Variants in BMPR1A observed in about 807,000 individuals in gnomAD.
The protein encoded by BMPR1A is bone morphogenetic protein receptor type 1A, also known as bone morphogenetic protein receptor type-1A.
A neutral mutation model predicts 66.0 loss-of-function variants in BMPR1A; 7 were observed. That is an observed-to-expected ratio of 0.11 (90% CI 0.06 to 0.20). The LOEUF (loss-of-function observed/expected upper bound fraction) is 0.20. Ranked by LOEUF, BMPR1A falls within the 10% of genes least tolerant of loss-of-function variation. The pLI, the probability that BMPR1A is intolerant of heterozygous loss-of-function variation, is 1.00. For missense variants in BMPR1A, 408 were observed against 669.1 expected (o/e 0.61, Z 4.31); for synonymous variants, 200 against 229.7 (o/e 0.87, Z 1.17).
At chr10:86,760,893 G>A (rs1841045150) in intron 1 of BMPR1A, among the ~76,000 whole-genome samples, 1 of 152,184 alleles carries the variant, frequency 6.6e-6, no homozygotes, top group African/African-American at 2.4e-5. Flanking sequence ...GACTTGCATT[G>A]AGTTATGTCC....
chr10:86,778,816 A>G (rs1049242457), intron 1 of BMPR1A, among the ~76,000 whole-genome samples: 1 of 151,848 alleles, frequency 6.6e-6, no homozygotes, highest in Admixed American at 6.6e-5. Context: ...TTTCCACATG[A>G]GTGAGAACAT....
intron 1 of BMPR1A, among the ~76,000 whole-genome samples, chr10:86,809,595 C>CTT (rs71019431): frequency 0.025 from 3,123 of 123,818 alleles, 141 homozygotes; most frequent in African/African-American, 0.091. Flanking sequence ...CACCCGACCT[C>CTT]TTTTTTTTTT....
At chr10:86,854,873 G>A in intron 2 of BMPR1A, 1 of 235,340 alleles carries the variant, frequency 4.2e-6, no homozygotes, top group Admixed American at 4.1e-5. Flanking sequence ...ACTCCCTCCA[G>A]GCAGGGGAAT....
intron 1 of BMPR1A, among the ~76,000 whole-genome samples, chr10:86,827,212 T>G (rs1842208196): frequency 6.6e-6 from 1 of 152,152 alleles, no homozygotes. Context: ...GTGTTGTCCC[T>G]TTAACATACT....
chr10:86,842,795 A>AT (rs1842442430), intron 2 of BMPR1A, among the ~76,000 whole-genome samples: 3 of 152,174 alleles, frequency 2.0e-5, no homozygotes, highest in Admixed American at 6.6e-5. Flanking sequence ...GGCAGCAGGC[A>AT]GAGAGAATGA....
chr10:86,872,018 G>A (rs963320134), intron 2 of BMPR1A, among the ~76,000 whole-genome samples: 1 of 152,176 alleles, frequency 6.6e-6, no homozygotes, highest in South Asian at 2.1e-4. Flanking sequence ...AATACAGTAA[G>A]ATGGTTGTCC....
intron 1 of BMPR1A, among the ~76,000 whole-genome samples, chr10:86,819,702 G>A (rs978619464): frequency 2.0e-5 from 3 of 152,152 alleles, no homozygotes; most frequent in African/African-American, 7.2e-5. Flanking sequence ...AAAAGTAATG[G>A]CACTTATCAC....
intron 2 of BMPR1A, among the ~76,000 whole-genome samples, chr10:86,854,268 A>C (rs1480577828): frequency 6.6e-6 from 1 of 152,176 alleles, no homozygotes; most frequent in Non-Finnish European, 1.5e-5. Context: ...TCTTTTTTCA[A>C]GGTGCCCAGA....
intron 7 of BMPR1A, among the ~76,000 whole-genome samples, chr10:86,900,677 A>G (rs1843296584): frequency 6.6e-6 from 1 of 152,266 alleles, no homozygotes; most frequent in African/African-American, 2.4e-5. Flanking sequence ...ACTTCAGATT[A>G]CTGAGGAAAA....
chr10:86,866,273 ACTTT>A, intron 2 of BMPR1A, among the ~76,000 whole-genome samples: 1 of 146,272 alleles, frequency 6.8e-6, no homozygotes, highest in East Asian at 2.0e-4. Flanking sequence ...GGGACACAGT[ACTTT>A]CTGTTTTTTA....
chr10:86,888,445 G>A (rs1454893059), intron 3 of BMPR1A, among the ~76,000 whole-genome samples: 3 of 152,130 alleles, frequency 2.0e-5, no homozygotes, highest in South Asian at 4.1e-4. Context: ...TCCAGCTTGG[G>A]TGACAGAGTG....
At chr10:86,843,197 G>A (rs1842446990) in intron 2 of BMPR1A, among the ~76,000 whole-genome samples, 1 of 152,090 alleles carries the variant, frequency 6.6e-6, no homozygotes, top group Non-Finnish European at 1.5e-5. Flanking sequence ...TCTTCAGCTG[G>A]TGATTTGAAA....
At chr10:86,855,843 T>A in intron 2 of BMPR1A, 1 of 886,196 alleles carries the variant, frequency 1.1e-6, no homozygotes, top group Non-Finnish European at 1.8e-6. Context: ...TCATTATCAC[T>A]GCTGCTGTCA....
Position 86,892,174 on chromosome 10 carries a change from A to G in BMPR1A, c.278A>G (p.Glu93Gly). Residue 93 changes from glutamate to glycine, a missense_variant, in exon 5 of 13, where the codon GAA becomes GGA. Glu to Gly is a moderately conservative substitution (Grantham distance 98, BLOSUM62 -2). Around this residue, in one of 5 missense-constraint regions of BMPR1A, gnomAD observed 13 missense variants for 46.5 expected, o/e 0.28. Transcript: ENST00000372037. ...FAIIEEDDQG[E>G]TTLASGCMKY... ...ATCATAGAAGAAGATGACCAGGGAG[A>G]AACCACATTAGCTTCAGGGTGTATG... 6.2e-7 allele frequency: 1 copy of G among 1,614,036 alleles called. No homozygotes were observed. The highest frequency in any genetic ancestry group is 8.5e-7 in the Non-Finnish European group (1 of 1,179,912).
chr10:86,802,555 A>T (rs1305806180), intron 1 of BMPR1A, among the ~76,000 whole-genome samples: 1 of 151,968 alleles, frequency 6.6e-6, no homozygotes, highest in East Asian at 1.9e-4. Context: ...CCTTTAGAAC[A>T]TTTGCTTATA....
At chr10:86,822,721 C>G (rs1324500626) in intron 1 of BMPR1A, among the ~76,000 whole-genome samples, 1 of 152,080 alleles carries the variant, frequency 6.6e-6, no homozygotes, top group Admixed American at 6.5e-5. Flanking sequence ...ACTGCAACCT[C>G]TGCCTCCTGG....
chr10:86,811,876 TG>T (rs1841976244), intron 1 of BMPR1A, among the ~76,000 whole-genome samples: 1 of 152,128 alleles, frequency 6.6e-6, no homozygotes, highest in Non-Finnish European at 1.5e-5. Flanking sequence ...GCCCAGGAAT[TG>T]AAGACCACCC....
At chr10:86,755,811 A>C (rs1174600089), upstream of BMPR1A, 1 of 151,964 alleles carries the variant, frequency 6.6e-6, no homozygotes. Flanking sequence ...GCGGGCTCGC[A>C]GGTCACAGGA....
intron 7 of BMPR1A, among the ~76,000 whole-genome samples, chr10:86,908,906 G>A (rs1354334385): frequency 1.3e-5 from 2 of 152,204 alleles, no homozygotes; most frequent in African/African-American, 4.8e-5. Context: ...CTCAGCATCA[G>A]AGGATCTTAG....
Sources: allele counts gnomAD v4.1 joint callset (sites outside exome capture counted in the v4.1 genomes callset), GRCh38; gene constraint gnomAD v4.1.1; regional missense constraint gnomAD v4.1.1; transcripts MANE v1.5; gene names NCBI Gene and HGNC (gene_info 2026-07-23, HGNC 2026-07-21).